ZCCHC7: variants seen among roughly 807,000 people sequenced by gnomAD.
The protein encoded by ZCCHC7 is zinc finger CCHC-type containing 7.
Under a neutral mutation model 52.0 loss-of-function variants are expected in ZCCHC7, and 35 were observed. The observed-to-expected ratio is 0.67, with a 90% confidence interval of 0.51 to 0.89. The LOEUF is 0.89. Among genes scored for constraint, ZCCHC7 ranks in the 40% least tolerant of loss-of-function variants. The pLI, the probability that ZCCHC7 is intolerant of heterozygous loss-of-function variation, is 0.00. For synonymous variants in ZCCHC7, 217 were observed against 221.5 expected, an observed-to-expected ratio of 0.98 and a Z score of 0.18; for missense variants, 574 against 649.1, an observed-to-expected ratio of 0.88 and a Z score of 1.26.
At chr9:37,184,974 A>G (rs1822572134) in intron 2 of ZCCHC7, among the ~76,000 whole-genome samples, 1 of 152,188 alleles carries the variant, frequency 6.6e-6, no homozygotes, top group Non-Finnish European at 1.5e-5. Flanking sequence ...GTTTCTAGGA[A>G]TGTTAGTGTA....
At chr9:37,310,173 G>A (rs914987807) in intron 5 of ZCCHC7, among the ~76,000 whole-genome samples, 4 of 152,154 alleles carry the variant, frequency 2.6e-5, no homozygotes, top group Admixed American at 2.0e-4. Flanking sequence ...ATGAGGTGAA[G>A]GATAAAAAGA....
chr9:37,182,770 G>A (rs1325683789), intron 2 of ZCCHC7, among the ~76,000 whole-genome samples: 1 of 152,226 alleles, frequency 6.6e-6, no homozygotes, highest in Non-Finnish European at 1.5e-5. Flanking sequence ...ATTCATTTTA[G>A]TGTGAGAGAA....
At chr9:37,311,223 GAGTT>G (rs1430305152) in intron 5 of ZCCHC7, among the ~76,000 whole-genome samples, 1 of 152,028 alleles carries the variant, frequency 6.6e-6, no homozygotes, top group Non-Finnish European at 1.5e-5. Context: ...CATAATGACT[GAGTT>G]AGTCAGTGTC....
At chr9:37,121,362 T>G (rs1165375486) in intron 1 of ZCCHC7, among the ~76,000 whole-genome samples, 1 of 152,216 alleles carries the variant, frequency 6.6e-6, no homozygotes, top group Non-Finnish European at 1.5e-5. Context: ...AGTAGGGCCT[T>G]TTTAGCTCAG....
chr9:37,283,166 T>C (rs1365284924), intron 2 of ZCCHC7, among the ~76,000 whole-genome samples: 2 of 152,064 alleles, frequency 1.3e-5, no homozygotes, highest in Non-Finnish European at 2.9e-5. Flanking sequence ...TGGGATAATA[T>C]GTATGAAAAA....
chr9:37,290,564 G>A (rs1196401336), intron 2 of ZCCHC7, among the ~76,000 whole-genome samples: 1 of 152,126 alleles, frequency 6.6e-6, no homozygotes, highest in Non-Finnish European at 1.5e-5. Flanking sequence ...GCTGAGATGG[G>A]AGGATTGTTT....
chr9:37,255,928 A>T (rs1826565515), intron 2 of ZCCHC7, among the ~76,000 whole-genome samples: 1 of 152,158 alleles, frequency 6.6e-6, no homozygotes, highest in Non-Finnish European at 1.5e-5. Flanking sequence ...TAAATTAATG[A>T]TTATCACTAT....
In ZCCHC7 at chr9:37,120,612, G is replaced by C; in HGVS notation, c.-33G>C. 1 of 398,168 alleles carries C rather than the reference G, an allele frequency of 2.5e-6. No individual in the cohort carries two copies. Among genetic ancestry groups the C allele is most frequent in the African/African-American group, 2.1e-5 (1 of 48,724 alleles). The allele number at this position is 398,168 out of a possible 1,614,324, so 24.7% of individuals were successfully genotyped here. Reference sequence around the variant, plus strand: ...GGTTCCCGGTTGGTGCTTCCTGTTCGCAGCTGCGGCAGTGAGTATGTGTGT... The same window carrying C: ...GGTTCCCGGTTGGTGCTTCCTGTTCCCAGCTGCGGCAGTGAGTATGTGTGT... On this transcript the variant is annotated 5_prime_UTR_variant, in exon 1 of 9. Coordinates refer to ENST00000336755, the MANE Select transcript of ZCCHC7 (RefSeq NM_032226.3).
At chr9:37,175,838 A>G (rs1326682267) in intron 2 of ZCCHC7, among the ~76,000 whole-genome samples, 1 of 152,330 alleles carries the variant, frequency 6.6e-6, no homozygotes, top group East Asian at 1.9e-4. Flanking sequence ...CTTGCAGACC[A>G]TATGATCTGA....
intron 2 of ZCCHC7, among the ~76,000 whole-genome samples, chr9:37,212,025 TCAAAAAAA>T (rs1181653592): frequency 7.6e-5 from 1 of 13,240 alleles, no homozygotes; most frequent in African/African-American, 2.4e-4. Flanking sequence ...AGACTCCGTC[TCAAAAAAA>T]AAAAAAAAAA....
chr9:37,158,625 A>G (rs1173976746), intron 2 of ZCCHC7, among the ~76,000 whole-genome samples: 2 of 152,142 alleles, frequency 1.3e-5, no homozygotes, highest in Non-Finnish European at 2.9e-5. Context: ...GCATATATTT[A>G]GCTAATGTGA....
At chr9:37,225,876 A>G (rs1429251792) in intron 2 of ZCCHC7, among the ~76,000 whole-genome samples, 1 of 152,242 alleles carries the variant, frequency 6.6e-6, no homozygotes, top group East Asian at 1.9e-4. Context: ...GAAGAAGACA[A>G]GACAGTCCCT....
At chr9:37,275,318 C>CTTTTTTTTT (rs35954918) in intron 2 of ZCCHC7, among the ~76,000 whole-genome samples, 1 of 124,030 alleles carries the variant, frequency 8.1e-6, no homozygotes, top group Non-Finnish European at 1.7e-5. Context: ...TCTAGTTTTC[C>CTTTTTTTTT]TTTTTTTTTT....
chr9:37,125,310 G>A (rs114763364), intron 1 of ZCCHC7, among the ~76,000 whole-genome samples: 2,058 of 152,246 alleles, frequency 0.014, 48 homozygotes, highest in African/African-American at 0.047. Context: ...GCACTGCCAT[G>A]CCTGGCTAAG....
intron 2 of ZCCHC7, among the ~76,000 whole-genome samples, chr9:37,289,500 A>G (rs577094973): frequency 6.6e-6 from 1 of 152,210 alleles, no homozygotes; most frequent in East Asian, 1.9e-4. Flanking sequence ...CTTTACCTCC[A>G]GATTATATTC....
Position 37,354,681 on chromosome 9 carries a change from G to T in ZCCHC7, c.1084-29G>T. On this transcript the variant is annotated intron_variant, in intron 7 of 8. Coordinates refer to ENST00000336755, the MANE Select transcript of ZCCHC7 (RefSeq NM_032226.3). This position sits in a 1 kb window ranked among gnomAD's most constrained non-coding sequence, Gnocchi z 4.0. ...AGGTTTTTGAACAGTGTGACCATGT[G>T]ACATCATAATTTTACATACAATTTA... 6.6e-7 allele frequency: 1 copy of T among 1,521,374 alleles called. No homozygotes were observed. Among genetic ancestry groups the T allele is most frequent in the South Asian group, 1.1e-5 (1 of 87,638 alleles). The allele number at this position is 1,521,374 out of a possible 1,614,324, so 94.2% of individuals were successfully genotyped here.
At chr9:37,282,658 C>T (rs1828020674) in intron 2 of ZCCHC7, among the ~76,000 whole-genome samples, 1 of 150,020 alleles carries the variant, frequency 6.7e-6, no homozygotes, top group Admixed American at 6.7e-5. Context: ...CACCTGAGCC[C>T]AGGAGTTCAA....
intron 6 of ZCCHC7, among the ~76,000 whole-genome samples, chr9:37,343,208 A>G (rs1380224003): frequency 6.6e-6 from 1 of 152,244 alleles, no homozygotes; most frequent in African/African-American, 2.4e-5. Flanking sequence ...TGCCATGTGC[A>G]TGTTACTGAT....
At chr9:37,164,233 G>C (rs1299013849) in intron 2 of ZCCHC7, among the ~76,000 whole-genome samples, 1 of 152,084 alleles carries the variant, frequency 6.6e-6, no homozygotes, top group Non-Finnish European at 1.5e-5. Flanking sequence ...CTTGAGGTCA[G>C]GAGTTCGAGA....
Sources: allele counts gnomAD v4.1 joint callset (sites outside exome capture counted in the v4.1 genomes callset), GRCh38; gene constraint gnomAD v4.1.1; non-coding constraint Gnocchi (gnomAD v3.1); transcripts MANE v1.5; gene names NCBI Gene and HGNC (gene_info 2026-07-23, HGNC 2026-07-21).